NEMP2: variants seen among roughly 807,000 people sequenced by gnomAD.
NEMP2 encodes nuclear envelope integral membrane protein 2.
A neutral mutation model predicts 54.2 loss-of-function variants in NEMP2; 53 were observed. The observed-to-expected ratio is 0.98, with a 90% CI of 0.78 to 1.23. The LOEUF (loss-of-function observed/expected upper bound fraction) is 1.23, where lower values mean the gene tolerates loss of function less well. NEMP2 is among the 50% of genes most tolerant of loss of function. The probability of loss-of-function intolerance (pLI) is 0.00; values close to 1 mark genes in which losing one functional copy is unlikely to be tolerated. For synonymous variants in NEMP2, 197 were observed against 190.3 expected (o/e 1.04, Z -0.29); for missense variants, 455 against 511.3 (o/e 0.89, Z 1.06).
At chr2:190,441,778 C>G in the NEMP2 span, among the ~76,000 whole-genome samples, 1 of 152,100 alleles carries the variant, frequency 6.6e-6, no homozygotes, top group Non-Finnish European at 1.5e-5. Flanking sequence ...TATGCCCCAC[C>G]CACTGTGGGT....
At chr2:190,465,415 C>T in the NEMP2 span, among the ~76,000 whole-genome samples, 2 of 148,826 alleles carry the variant, frequency 1.3e-5, no homozygotes, top group African/African-American at 4.9e-5. The surrounding 1 kb of genome is among the most constrained non-coding windows in gnomAD (Gnocchi z 4.6). Flanking sequence ...ATCTATATCT[C>T]GTGGAGAGAC....
upstream of NEMP2, among the ~76,000 whole-genome samples, chr2:190,538,032 A>G (rs891340971): frequency 2.0e-5 from 3 of 152,234 alleles, no homozygotes; most frequent in Non-Finnish European, 4.4e-5. The surrounding 1 kb of genome is among the most constrained non-coding windows in gnomAD (Gnocchi z 4.1). Context: ...ACAGTAGGGT[A>G]AAGCTAACCT....
the NEMP2 span, among the ~76,000 whole-genome samples, chr2:190,438,720 G>A: frequency 1.3e-5 from 2 of 152,118 alleles, no homozygotes; most frequent in Non-Finnish European, 2.9e-5. This position sits in a 1 kb window ranked among gnomAD's most constrained non-coding sequence, Gnocchi z 5.2. Context: ...AAAAGCAACC[G>A]TATGTGTTTG....
chr2:190,450,914 G>A, the NEMP2 span, among the ~76,000 whole-genome samples: 45 of 152,168 alleles, frequency 3.0e-4, no homozygotes, highest in Admixed American at 1.1e-3. Context: ...ACCATCTCCT[G>A]CGCATTGTGG....
chr2:190,564,429 A>G, the NEMP2 span, among the ~76,000 whole-genome samples: 1 of 152,144 alleles, frequency 6.6e-6, no homozygotes, highest in Non-Finnish European at 1.5e-5. This position sits in a 1 kb window ranked among gnomAD's most constrained non-coding sequence, Gnocchi z 4.2. Flanking sequence ...ATTTTATTCA[A>G]TTTTATATGT....
the NEMP2 span, among the ~76,000 whole-genome samples, chr2:190,607,365 C>A: frequency 6.6e-6 from 1 of 152,172 alleles, no homozygotes; most frequent in Admixed American, 6.5e-5. The surrounding 1 kb of genome is among the most constrained non-coding windows in gnomAD (Gnocchi z 5.2). Flanking sequence ...TAAGGCTCAA[C>A]TGCGTTTGCA....
chr2:190,582,828 C>A, the NEMP2 span, among the ~76,000 whole-genome samples: 1 of 152,148 alleles, frequency 6.6e-6, no homozygotes, highest in African/African-American at 2.4e-5. The surrounding 1 kb of genome is among the most constrained non-coding windows in gnomAD (Gnocchi z 4.6). Flanking sequence ...TGAAGATGTT[C>A]GTGGAGGTTT....
the NEMP2 span, among the ~76,000 whole-genome samples, chr2:190,440,179 T>C: frequency 6.6e-6 from 1 of 152,208 alleles, no homozygotes; most frequent in Admixed American, 6.5e-5. Flanking sequence ...AAATTCTTCA[T>C]CTAGAGTAAT....
Position 190,534,613 on chromosome 2 carries a change from G to A in NEMP2, c.43C>T (p.Pro15Ser). The A allele has an allele frequency of 7.2e-7, 1 of 1,380,056 alleles. No individual in the cohort carries two copies. The highest frequency in any genetic ancestry group is 9.3e-7 in the Non-Finnish European group (1 of 1,070,202). 85.5% of individuals were successfully genotyped at this position (1,380,056 alleles called of 1,614,324 possible). The change falls in exon 1 of 9, where the codon CCG becomes TCG. Residue 15 changes from proline to serine, a missense_variant. Coordinates refer to ENST00000409150, the MANE Select transcript of NEMP2 (RefSeq NM_001142645.2). ...CGCACGGGCAGTGTGGCCAGGGGCGGCAGCCAGAGCAGCAGCCACCACCGC... is the reference window on the plus strand; with the variant it reads ...CGCACGGGCAGTGTGGCCAGGGGCGACAGCCAGAGCAGCAGCCACCACCGC... ...QGRWWLLLWL[P>S]PLATLPVRGE...
the NEMP2 span, among the ~76,000 whole-genome samples, chr2:190,548,093 G>GA: frequency 2.6e-5 from 4 of 151,950 alleles, no homozygotes; most frequent in Non-Finnish European, 4.4e-5. Flanking sequence ...AGGAAAGAGG[G>GA]AGGATGTAGA....
the NEMP2 span, chr2:190,497,668 G>C: frequency 6.2e-7 from 1 of 1,614,170 alleles, no homozygotes; most frequent in Admixed American, 1.7e-5. The surrounding 1 kb of genome is among the most constrained non-coding windows in gnomAD (Gnocchi z 5.2). Flanking sequence ...AAATTAAAGA[G>C]ATGATGCAAC....
the NEMP2 span, chr2:190,625,183 T>C: frequency 1.3e-5 from 2 of 152,118 alleles, no homozygotes; most frequent in African/African-American, 4.8e-5. Flanking sequence ...TAATAGTAGC[T>C]AAAATGTGGA....
the NEMP2 span, among the ~76,000 whole-genome samples, chr2:190,473,406 T>C: frequency 5.3e-5 from 8 of 151,494 alleles, no homozygotes; most frequent in South Asian, 1.7e-3. Flanking sequence ...ACCAAGCAAA[T>C]GGAAAACAAA....
the NEMP2 span, among the ~76,000 whole-genome samples, chr2:190,645,062 G>GT: frequency 6.6e-6 from 1 of 151,992 alleles, no homozygotes; most frequent in Non-Finnish European, 1.5e-5. Flanking sequence ...CTCCTAACAG[G>GT]TAAAAACAAA....
At chr2:190,458,116 G>A in the NEMP2 span, among the ~76,000 whole-genome samples, 2 of 152,050 alleles carry the variant, frequency 1.3e-5, no homozygotes, top group Non-Finnish European at 2.9e-5. This position sits in a 1 kb window ranked among gnomAD's most constrained non-coding sequence, Gnocchi z 5.3. Context: ...AAAAAATACT[G>A]GCATTCTTTA....
chr2:190,576,080 T>C, the NEMP2 span, among the ~76,000 whole-genome samples: 1 of 151,946 alleles, frequency 6.6e-6, no homozygotes, highest in Non-Finnish European at 1.5e-5. Context: ...GTGATCTTAA[T>C]ACTTCAGCCT....
the NEMP2 span, among the ~76,000 whole-genome samples, chr2:190,476,453 A>C: frequency 6.6e-6 from 1 of 152,248 alleles, no homozygotes; most frequent in Non-Finnish European, 1.5e-5. Context: ...ACATGAAAAA[A>C]TGCTCATCAT....
the NEMP2 span, among the ~76,000 whole-genome samples, chr2:190,457,521 T>C: frequency 6.6e-6 from 1 of 152,208 alleles, no homozygotes; most frequent in South Asian, 2.1e-4. The surrounding 1 kb of genome is among the most constrained non-coding windows in gnomAD (Gnocchi z 5.1). Context: ...TGTTTTATGA[T>C]AGCAGTTGCT....
At chr2:190,595,558 G>GA in the NEMP2 span, among the ~76,000 whole-genome samples, 3 of 151,880 alleles carry the variant, frequency 2.0e-5, no homozygotes, top group African/African-American at 7.2e-5. This position sits in a 1 kb window ranked among gnomAD's most constrained non-coding sequence, Gnocchi z 4.0. Context: ...AAATTTACAA[G>GA]AAAAAAACAA....
Sources: gnomAD v4.1 joint callset for allele counts (sites outside exome capture counted in the v4.1 genomes callset) on GRCh38, gnomAD v4.1.1 for gene constraint, Gnocchi (gnomAD v3.1) non-coding constraint, MANE v1.5 for transcripts, NCBI Gene and HGNC (gene_info 2026-07-23, HGNC 2026-07-21) for gene names.